DENND5B: variants seen among roughly 807,000 people sequenced by gnomAD.
The protein encoded by DENND5B is DENN domain-containing protein 5B.
DENND5B carries 34 observed loss-of-function variants against 140.6 expected under a neutral mutation model. The ratio of observed to expected loss-of-function variants is 0.24; its 90% confidence interval spans 0.18 to 0.32. DENND5B has a LOEUF of 0.32. Among genes scored for constraint, DENND5B ranks in the 10% least tolerant of loss-of-function variants. The pLI is 1.00. For synonymous variants in DENND5B, 551 were observed against 562.1 expected (o/e 0.98, Z 0.28); for missense variants, 1,142 against 1,560.2 (o/e 0.73, Z 4.52).
chr12:31,388,788 C>G (rs1940978494), intron 20 of DENND5B, among the ~76,000 whole-genome samples: 1 of 152,074 alleles, frequency 6.6e-6, no homozygotes, highest in African/African-American at 2.4e-5. Context: ...ATTTATATAG[C>G]AAGAATCCCA....
intron 1 of DENND5B, among the ~76,000 whole-genome samples, chr12:31,574,295 A>AATAATAATTATT (rs374578025): frequency 4.1e-4 from 60 of 144,592 alleles, no homozygotes; most frequent in African/African-American, 1.4e-3. Flanking sequence ...TAATAATAAT[A>AATAATAATTATT]ATTTAAAAGG....
At chr12:31,590,645 G>T (rs2139564315) in intron 1 of DENND5B, 61 bp downstream of exon 1, 1 of 1,386,746 alleles carries the variant, frequency 7.2e-7, no homozygotes, top group Non-Finnish European at 9.3e-7. Context: ...CCTCCCGCGC[G>T]TCCCCACAGC....
At chr12:31,435,108 C>T (rs776052153) in intron 7 of DENND5B, among the ~76,000 whole-genome samples, 1 of 152,100 alleles carries the variant, frequency 6.6e-6, no homozygotes, top group Non-Finnish European at 1.5e-5. Flanking sequence ...GAGCCCCAAA[C>T]CCCGGATGAA....
intron 1 of DENND5B, among the ~76,000 whole-genome samples, chr12:31,531,420 G>A (rs186510656): frequency 2.6e-5 from 4 of 152,200 alleles, no homozygotes; most frequent in South Asian, 2.1e-4. Flanking sequence ...GGCTGGTCTC[G>A]AACTCCTGAC....
intron 1 of DENND5B, among the ~76,000 whole-genome samples, chr12:31,540,299 A>G (rs1948642340): frequency 6.6e-6 from 1 of 152,162 alleles, no homozygotes; most frequent in South Asian, 2.1e-4. Flanking sequence ...TCCCCAAAGC[A>G]ATCTACAGAT....
chr12:31,568,281 A>C (rs1235999438), intron 1 of DENND5B, among the ~76,000 whole-genome samples: 1 of 152,208 alleles, frequency 6.6e-6, no homozygotes, highest in East Asian at 1.9e-4. Context: ...CACCCTTAAG[A>C]AATCTCATTA....
chr12:31,394,914 T>A (rs1309187762), intron 17 of DENND5B, among the ~76,000 whole-genome samples: 1 of 152,046 alleles, frequency 6.6e-6, no homozygotes, highest in Non-Finnish European at 1.5e-5. Context: ...GCCCGGCCTA[T>A]CCTGTGCTCT....
intron 1 of DENND5B, among the ~76,000 whole-genome samples, chr12:31,510,612 T>C (rs1947374391): frequency 1.3e-5 from 2 of 152,234 alleles, no homozygotes; most frequent in African/African-American, 4.8e-5. Context: ...TCTTTGGTCC[T>C]TGTATATGGC....
intron 1 of DENND5B, among the ~76,000 whole-genome samples, chr12:31,578,543 A>C (rs1381887075): frequency 2.0e-5 from 3 of 152,226 alleles, no homozygotes; most frequent in Non-Finnish European, 4.4e-5. Flanking sequence ...GATGCATATA[A>C]TGCCACCTTT....
intron 1 of DENND5B, among the ~76,000 whole-genome samples, chr12:31,548,524 G>T (rs190109119): frequency 2.6e-5 from 4 of 152,084 alleles, no homozygotes; most frequent in Non-Finnish European, 5.9e-5. Flanking sequence ...TACATCACAA[G>T]ACCTCTTGGA....
intron 1 of DENND5B, among the ~76,000 whole-genome samples, chr12:31,525,985 C>T (rs1948071250): frequency 6.6e-6 from 1 of 152,102 alleles, no homozygotes; most frequent in African/African-American, 2.4e-5. Context: ...GGAAGTGAAA[C>T]CCTGTCTCGA....
At chr12:31,507,720 C>A (rs911031714) in intron 1 of DENND5B, among the ~76,000 whole-genome samples, 1 of 152,056 alleles carries the variant, frequency 6.6e-6, no homozygotes, top group Non-Finnish European at 1.5e-5. Context: ...AAATGTCATG[C>A]GCTTGCCAGT....
At chr12:31,564,389 A>G (rs1164500102) in intron 1 of DENND5B, among the ~76,000 whole-genome samples, 6 of 152,112 alleles carry the variant, frequency 3.9e-5, no homozygotes, top group African/African-American at 1.4e-4. Context: ...AGTGCAAACA[A>G]GGTAGGAACT....
At chr12:31,401,262 G>A (rs1048769527) in intron 15 of DENND5B, among the ~76,000 whole-genome samples, 5 of 152,204 alleles carry the variant, frequency 3.3e-5, no homozygotes, top group African/African-American at 9.6e-5. Flanking sequence ...AAAGAAGTAG[G>A]TAGACATGAG....
intron 7 of DENND5B, among the ~76,000 whole-genome samples, chr12:31,433,543 T>C (rs1943610446): frequency 6.6e-6 from 1 of 152,078 alleles, no homozygotes; most frequent in African/African-American, 2.4e-5. Context: ...TACATAACAA[T>C]AAGTCAAATC....
intron 3 of DENND5B, chr12:31,478,133 G>C (rs902941492): frequency 1.7e-4 from 26 of 152,130 alleles, no homozygotes; most frequent in Admixed American, 9.8e-4. Flanking sequence ...TTGGTCATTA[G>C]AGAATAACTT....
intron 1 of DENND5B, among the ~76,000 whole-genome samples, chr12:31,573,180 G>T (rs576044372): frequency 6.6e-6 from 1 of 152,250 alleles, no homozygotes; most frequent in East Asian, 1.9e-4. Flanking sequence ...TTAGTTCAGA[G>T]ATATTAAAAA....
intron 1 of DENND5B, among the ~76,000 whole-genome samples, chr12:31,534,416 G>A (rs934911987): frequency 6.6e-6 from 1 of 152,106 alleles, no homozygotes; most frequent in Non-Finnish European, 1.5e-5. Context: ...CTGACCTCAA[G>A]TGATCTGCCT....
chr12:31,428,636 C>T (rs1001852865), intron 8 of DENND5B, among the ~76,000 whole-genome samples: 4 of 151,970 alleles, frequency 2.6e-5, no homozygotes, highest in African/African-American at 9.7e-5. Context: ...GGCTTGATCT[C>T]GGCTCACTGC....
Sources: gnomAD v4.1 joint callset for allele counts (sites outside exome capture counted in the v4.1 genomes callset) on GRCh38, gnomAD v4.1.1 for gene constraint, MANE v1.5 for transcripts, NCBI Gene and HGNC (gene_info 2026-07-23, HGNC 2026-07-21) for gene names.